Variants in HCFC1R1 observed in about 807,000 individuals in gnomAD.
The protein encoded by HCFC1R1 is HCF-1 beta-propeller-interacting protein.
Under a neutral mutation model 13.3 loss-of-function variants are expected in HCFC1R1, and 17 were observed. The ratio of observed to expected loss-of-function variants is 1.28; its 90% CI spans 0.87 to 1.91. The LOEUF (loss-of-function observed/expected upper bound fraction) is 1.91, where lower values mean the gene tolerates loss of function less well. Among genes scored for constraint, HCFC1R1 ranks in the 40% most tolerant of loss-of-function variants. The pLI is 0.00. For missense variants in HCFC1R1, 218 were observed against 177.9 expected, an observed-to-expected ratio of 1.23 and a Z score of -1.28; for synonymous variants, 87 against 71.1, an observed-to-expected ratio of 1.22 and a Z score of -1.12.
Position 3,023,547 on chromosome 16 carries a change from G to C in HCFC1R1, c.96-17C>G. 2.6e-6 allele frequency: 4 copies of C among 1,567,042 alleles called. No individual in the cohort carries two copies. The highest frequency in any genetic ancestry group is 2.6e-6 in the Non-Finnish European group (3 of 1,155,586). The stretch of plus-strand genomic sequence containing the variant: ...AGAGGGGAGCTGGGAAAAAAAGAGA[G>C]CCTGGTGCACCCCACCCTCTTGGCC... On this transcript the variant is annotated splice_polypyrimidine_tract_variant and intron_variant, in intron 1 of 3. Transcript: ENST00000248089.
rs1032405425 is a variant in HCFC1R1, at chr16:3,023,732, C to T, written c.95+115G>A. The T allele has an allele frequency of 1.1e-5, 12 of 1,057,704 alleles. No homozygotes were observed. In the African/African-American group the frequency reaches 1.7e-4, roughly 15 times the overall value. The allele number at this position is 1,057,704 out of a possible 1,614,324, so 65.5% of individuals were successfully genotyped here. ...GCAGCCCCAGTCCCATCTCAGCTCACGCCTAAGCCCCGCCGATTCGCCCCA... is the reference window on the plus strand; with the variant it reads ...GCAGCCCCAGTCCCATCTCAGCTCATGCCTAAGCCCCGCCGATTCGCCCCA... On this transcript the variant is annotated intron_variant, in intron 1 of 3. Transcript: ENST00000248089.
In HCFC1R1 at chr16:3,023,514, C is replaced by G; in HGVS notation, c.112G>C (p.Ala38Pro). The G allele has an allele frequency of 6.3e-7, 1 of 1,598,614 alleles. No individual in the cohort carries two copies. The highest frequency in any genetic ancestry group is 8.5e-7 in the Non-Finnish European group (1 of 1,170,814). Residue 38 changes from alanine (A) to proline (P), a missense_variant, in exon 2 of 4, where the codon GCT becomes CCT. By Grantham distance (27) the Ala-to-Pro change is conservative (BLOSUM62 -1). Coordinates refer to ENST00000248089, the MANE Select transcript of HCFC1R1 (RefSeq NM_017885.4). ...CGCCGCTTGGTGCTCATGGGCACAG[C>G]TCCTCGGAGAGGGGAGCTGGGAAAA... ...GLDASSPLRG[A>P]VPMSTKRRLE...
At position 3,023,936 on chromosome 16, in the gene HCFC1R1, G is replaced by T. The variant is rs765829590; in HGVS notation, c.6C>A (p.Ile2=). The change falls in exon 1 of 4, where the codon ATC becomes ATA. Residue 2 remains isoleucine, a synonymous_variant. Coordinates refer to ENST00000248089, the MANE Select transcript of HCFC1R1 (RefSeq NM_017885.4). M[I]LQQPLQRGPQ... is the part of the protein sequence containing the mutation. Reference sequence around the variant, plus strand: ...GGCCTCGCTGCAAGGGCTGCTGCAGGATCATTGGGTTTTGGGGTCCTGCGG... The same window carrying T: ...GGCCTCGCTGCAAGGGCTGCTGCAGTATCATTGGGTTTTGGGGTCCTGCGG... 6.4e-7 allele frequency: 1 copy of T among 1,554,266 alleles called. No individual in the cohort carries two copies. Among genetic ancestry groups the T allele is most frequent in the Non-Finnish European group, 8.7e-7 (1 of 1,151,552 alleles).
At chr16:3,023,050 G>A in intron 3 of HCFC1R1, 52 bp from the exon 4 acceptor site, 1 of 1,574,922 alleles carries the variant, frequency 6.3e-7, no homozygotes, top group South Asian at 1.2e-5. Context: ...GCCTAGCTGA[G>A]CACCTCCCAC....
chr16:3,024,077 G>A, upstream of HCFC1R1: 1 of 784,842 alleles, frequency 1.3e-6, no homozygotes, highest in East Asian at 2.7e-5. Flanking sequence ...CGGGCGGCGC[G>A]TGGCGGAAGG....
At chr16:3,024,072 G>A (rs2072709488), upstream of HCFC1R1, 2 of 806,874 alleles carry the variant, frequency 2.5e-6, no homozygotes, top group South Asian at 1.8e-5. Flanking sequence ...GAAGACGGGC[G>A]GCGCGTGGCG....
rs2072638235 is a variant in HCFC1R1 at position 3,022,775 on chromosome 16, A to G, written c.*88T>C. 6 of 1,215,424 alleles carry G rather than the reference A, an allele frequency of 4.9e-6. No homozygotes were observed. The highest frequency in any genetic ancestry group is 6.5e-6 in the Non-Finnish European group (6 of 917,186). The allele number at this position is 1,215,424 out of a possible 1,614,324, so 75.3% of individuals were successfully genotyped here. On this transcript the variant is annotated 3_prime_UTR_variant, in exon 4 of 4. Transcript: ENST00000248089. The stretch of plus-strand genomic sequence containing the variant: ...TGCCCAGATGCCTACTCTGCAGGAG[A>G]GGGAGGAACCTTGTCCCTTTGCGGG...
chr16:3,023,437 G>A (rs765066757), intron 2 of HCFC1R1, 37 bp downstream of exon 2: 1 of 1,613,776 alleles, frequency 6.2e-7, no homozygotes, highest in African/African-American at 1.3e-5. Context: ...AGGTGACAGA[G>A]ATCTTGTTGG....
rs2072678945 is a variant in HCFC1R1 at position 3,023,525 on chromosome 16, G to A, written c.101C>T (p.Pro34Leu). The A allele has an allele frequency of 6.3e-7, 1 of 1,586,574 alleles. No individual in the cohort carries two copies. Among genetic ancestry groups the A allele is most frequent in the Non-Finnish European group, 8.6e-7 (1 of 1,164,736 alleles). Residue 34 changes from proline to leucine, a missense_variant, in exon 2 of 4, where the codon CCT (proline) becomes CTT (leucine). Pro to Leu is a moderately conservative substitution (Grantham distance 98, BLOSUM62 -3). Transcript: ENST00000248089. ...GVTWGLDASS[P>L]LRGAVPMSTK... Reference sequence around the variant, plus strand: ...GCTCATGGGCACAGCTCCTCGGAGAGGGGAGCTGGGAAAAAAAGAGAGCCT... The same window carrying A: ...GCTCATGGGCACAGCTCCTCGGAGAAGGGAGCTGGGAAAAAAAGAGAGCCT...
At position 3,023,873 on chromosome 16, in the gene HCFC1R1, C is replaced by T; in HGVS notation, c.69G>A (p.Leu23=). The T allele has an allele frequency of 1.3e-6, 2 of 1,551,438 alleles. No homozygotes were observed. Among genetic ancestry groups the T allele is most frequent in the East Asian group, 2.4e-5 (1 of 42,092 alleles). ...GGAQRLPRAA[L]GVTWGLDASS... ...TGGCGTCCAGGCCCCAAGTCACCCC[C>T]AAGGCGGCCCGCGGGAGGCGCTGGG... Residue 23 remains leucine, a synonymous_variant, in exon 1 of 4, where the codon TTG becomes TTA. Coordinates refer to ENST00000248089, the MANE Select transcript of HCFC1R1 (RefSeq NM_017885.4).
At position 3,023,356 on chromosome 16, in the gene HCFC1R1, G is replaced by A. The variant is rs201263191; in HGVS notation, c.158C>T (p.Pro53Leu). 2.2e-4 allele frequency: 357 copies of A among 1,609,040 alleles called. 1 individual carries two copies. Among genetic ancestry groups the A allele is most frequent in the Non-Finnish European group, 3.5e-5 (41 of 1,176,824 alleles). The change falls in exon 3 of 4, where the codon CCT (proline) becomes CTT (leucine). Residue 53 changes from proline (P) to leucine (L), a missense_variant. Transcript: ENST00000248089. ...CTCAGACAGAAACTGCTTGCGCAGA[G>A]GCTCCCTGGGGAGAGATGGCAGAGA... ...TKRRLEEEQEPLRKQFLSEEN... is the reference protein window; with the variant it reads ...TKRRLEEEQELLRKQFLSEEN...
Position 3,023,858 on chromosome 16 carries a change from G to T in HCFC1R1, c.84C>A (p.Gly28=). 1.3e-6 allele frequency: 2 copies of T among 1,546,042 alleles called. No individual in the cohort carries two copies. Among genetic ancestry groups the T allele is most frequent in the Non-Finnish European group, 1.7e-6 (2 of 1,151,196 alleles). ...TCCCCTACACGCACCTGGCGTCCAG[G>T]CCCCAAGTCACCCCCAAGGCGGCCC... ...LPRAALGVTW[G]LDASSPLRGA... is the part of the protein sequence containing the mutation. The change falls in exon 1 of 4, where the codon GGC becomes GGA. Residue 28 remains glycine, a synonymous_variant. Coordinates refer to ENST00000248089, the MANE Select transcript of HCFC1R1 (RefSeq NM_017885.4).
At chr16:3,024,218 C>A, upstream of HCFC1R1, 1 of 1,428,742 alleles carries the variant, frequency 7.0e-7, no homozygotes, top group Non-Finnish European at 9.8e-7. Flanking sequence ...GCACCAGCCA[C>A]CTTCGCGCCG....
chr16:3,023,615 G>A, intron 1 of HCFC1R1, 85 bp from the exon 2 acceptor site: 7 of 1,421,024 alleles, frequency 4.9e-6, no homozygotes, highest in Non-Finnish European at 6.5e-6. Context: ...GCATCAGCCA[G>A]GAGCCCCAAG....
chr16:3,022,805 G>T lies in HCFC1R1; in HGVS notation c.*58C>A, dbSNP rs756305658. The T allele has an allele frequency of 3.5e-5, 49 of 1,406,488 alleles. No homozygotes were observed. The highest frequency in any genetic ancestry group is 4.6e-5 in the Non-Finnish European group (49 of 1,075,848). The allele number at this position is 1,406,488 out of a possible 1,614,324, so 87.1% of individuals were successfully genotyped here. Reference sequence around the variant, plus strand: ...GGAACCTTGTCCCTTTGCGGGAGTCGCTGGTCTCTTCTGTTGTGGGGAAGA... The same window carrying T: ...GGAACCTTGTCCCTTTGCGGGAGTCTCTGGTCTCTTCTGTTGTGGGGAAGA... On this transcript the variant is annotated 3_prime_UTR_variant, in exon 4 of 4. Coordinates refer to ENST00000248089, the MANE Select transcript of HCFC1R1 (RefSeq NM_017885.4).
In HCFC1R1 at chr16:3,022,944, C is replaced by T; in HGVS notation, c.336G>A (p.Glu112=). ...CCCCCAGCCTCAGCAGACGGAGGGCCTCAGGGATGAGGCTGCCAGGATAGC... is the reference window on the plus strand; with the variant it reads ...CCCCCAGCCTCAGCAGACGGAGGGCTTCAGGGATGAGGCTGCCAGGATAGC... The part of the protein sequence containing the change: ...LWRYPGSLIP[E]ALRLLRLGDT... The change falls in exon 4 of 4, where the codon GAG becomes GAA. Residue 112 remains glutamate (E), a synonymous_variant. Transcript: ENST00000248089. The T allele has an allele frequency of 6.3e-7, 1 of 1,580,038 alleles. No homozygotes were observed. The highest frequency in any genetic ancestry group is 8.5e-7 in the Non-Finnish European group (1 of 1,170,104).
chr16:3,022,971 C>T lies in HCFC1R1; in HGVS notation c.309G>A (p.Trp103Ter), dbSNP rs778153325. Residue 103 changes from tryptophan to a stop codon, truncating the protein, a stop_gained, in exon 4 of 4, where the codon TGG (tryptophan) becomes TGA (stop). Coordinates refer to ENST00000248089, the MANE Select transcript of HCFC1R1 (RefSeq NM_017885.4). LOFTEE classifies it high-confidence loss of function. ...CAGGGATGAGGCTGCCAGGATAGCG[C>T]CAGAGAAGCAGCTCAGAGCAAGGGC... The part of the protein sequence containing the change: ...LRSPCSELLL[W>*]RYPGSLIPEA... 6.3e-7 allele frequency: 1 copy of T among 1,593,162 alleles called. No individual in the cohort carries two copies. The highest frequency in any genetic ancestry group is 8.5e-7 in the Non-Finnish European group (1 of 1,173,620).
chr16:3,023,537 A>T lies in HCFC1R1; in HGVS notation c.96-7T>A. ...AGCTCCTCGGAGAGGGGAGCTGGGA[A>T]AAAAAGAGAGCCTGGTGCACCCCAC... On this transcript the variant is annotated splice_region_variant and splice_polypyrimidine_tract_variant and intron_variant, in intron 1 of 3. Transcript: ENST00000248089. 1 of 1,576,392 alleles carries T rather than the reference A, an allele frequency of 6.3e-7. No individual in the cohort carries two copies. Among genetic ancestry groups the T allele is most frequent in the Non-Finnish European group, 8.6e-7 (1 of 1,160,054 alleles).
rs750022414 is a variant in HCFC1R1 at position 3,022,937 on chromosome 16, G to C, written c.343C>G (p.Arg115Gly). Reference protein sequence around the residue: ...YPGSLIPEALRLLRLGDTPSP... With the variant: ...YPGSLIPEALGLLRLGDTPSP... ...GGGGTGTCCCCCAGCCTCAGCAGAC[G>C]GAGGGCCTCAGGGATGAGGCTGCCA... The change falls in exon 4 of 4, where the codon CGT (arginine) becomes GGT (glycine). Residue 115 changes from arginine to glycine, a missense_variant. Physicochemically the swap from Arg to Gly is moderately radical, Grantham distance 125 (BLOSUM62 -2). Coordinates refer to ENST00000248089, the MANE Select transcript of HCFC1R1 (RefSeq NM_017885.4). 6.3e-7 allele frequency: 1 copy of C among 1,574,888 alleles called. No individual in the cohort carries two copies. Among genetic ancestry groups the C allele is most frequent in the Admixed American group, 2.1e-5 (1 of 48,154 alleles).
Sources: gnomAD v4.1 joint callset for allele counts on GRCh38, gnomAD v4.1.1 for gene constraint, MANE v1.5 for transcripts, NCBI Gene and HGNC (gene_info 2026-07-23, HGNC 2026-07-21) for gene names.